Variants in MYCBP2 observed in about 807,000 individuals in gnomAD.
MYCBP2 encodes the protein E3 ubiquitin-protein ligase MYCBP2.
Under a neutral mutation model 525.3 loss-of-function variants are expected in MYCBP2, and 120 were observed. The ratio of observed to expected loss-of-function variants is 0.23; its 90% CI spans 0.20 to 0.27. The LOEUF (loss-of-function observed/expected upper bound fraction) is 0.27, where lower values mean the gene tolerates loss of function less well. Among genes scored for constraint, MYCBP2 ranks in the 10% least tolerant of loss-of-function variants. The pLI is 1.00. For synonymous variants in MYCBP2, 1,894 were observed against 1,955.8 expected (o/e 0.97, Z 0.83); for missense variants, 4,149 against 5,657.1 (o/e 0.73, Z 8.55).
chr13:77,301,057 T>C (rs572650781), intron 1 of MYCBP2, among the ~76,000 whole-genome samples: 10 of 152,244 alleles, frequency 6.6e-5, no homozygotes, highest in East Asian at 3.9e-4. Flanking sequence ...TCTAGATACA[T>C]AGACAGCTTT....
intron 1 of MYCBP2, among the ~76,000 whole-genome samples, chr13:77,324,773 A>G (rs182602625): frequency 7.5e-4 from 115 of 152,380 alleles, no homozygotes; most frequent in African/African-American, 2.6e-3. Flanking sequence ...CAGAAATCAT[A>G]TTACACTAGT....
intron 1 of MYCBP2, among the ~76,000 whole-genome samples, chr13:77,322,027 G>A (rs910486116): frequency 1.3e-5 from 2 of 152,290 alleles, no homozygotes; most frequent in African/African-American, 4.8e-5. Context: ...AGGCATGGTG[G>A]TGCATGCCTG....
At chr13:77,230,152 C>G (rs186820283) in intron 18 of MYCBP2, among the ~76,000 whole-genome samples, 1 of 152,280 alleles carries the variant, frequency 6.6e-6, no homozygotes, top group Non-Finnish European at 1.5e-5. Context: ...CTGACCTTCT[C>G]TGAATTTTCT....
intron 44 of MYCBP2, among the ~76,000 whole-genome samples, chr13:77,158,482 T>C (rs1471006873): frequency 6.6e-6 from 1 of 152,176 alleles, no homozygotes; most frequent in Non-Finnish European, 1.5e-5. Context: ...GGCCTTACTC[T>C]GCCACCCAGG....
chr13:77,280,214 T>C (rs2154352157), intron 3 of MYCBP2, among the ~76,000 whole-genome samples: 1 of 152,318 alleles, frequency 6.6e-6, no homozygotes, highest in South Asian at 2.1e-4. Flanking sequence ...GTCAAATAAC[T>C]AGGAGGACTG....
chr13:77,112,881 A>T (rs1039760076), intron 55 of MYCBP2, among the ~76,000 whole-genome samples: 2 of 152,218 alleles, frequency 1.3e-5, no homozygotes, highest in South Asian at 4.1e-4. Flanking sequence ...AAAATAGAAC[A>T]AAAACCTCTC....
chr13:77,256,243 C>G (rs952225278), intron 14 of MYCBP2, among the ~76,000 whole-genome samples: 14 of 151,892 alleles, frequency 9.2e-5, no homozygotes, highest in Non-Finnish European at 1.8e-4. Flanking sequence ...ATAATATACG[C>G]CAGAAAGATT....
intron 17 of MYCBP2, among the ~76,000 whole-genome samples, chr13:77,236,992 A>G (rs1467339002): frequency 1.3e-5 from 2 of 152,242 alleles, no homozygotes; most frequent in Non-Finnish European, 2.9e-5. Flanking sequence ...TTTTTAAAAC[A>G]ATGTGAATTA....
At chr13:77,057,174 G>A in intron 78 of MYCBP2, 81 bp from the exon 79 acceptor site, 1 of 976,944 alleles carries the variant, frequency 1.0e-6, no homozygotes, top group Non-Finnish European at 1.6e-6. Context: ...TTTAATGCAA[G>A]GCACTACTTA....
chr13:77,209,948 T>A (rs1427490905), intron 23 of MYCBP2, among the ~76,000 whole-genome samples: 3 of 152,134 alleles, frequency 2.0e-5, no homozygotes, highest in African/African-American at 7.2e-5. Context: ...GGCTGTCTGA[T>A]GAGAATGCAA....
chr13:77,064,464 A>G, intron 73 of MYCBP2, 151 bp downstream of exon 73: 1 of 844,340 alleles, frequency 1.2e-6, no homozygotes. Context: ...ATAATATAAA[A>G]GCCCTTTATA....
Position 77,270,503 on chromosome 13 carries a change from T to C in MYCBP2, c.981A>G (p.Val327=), listed in dbSNP as rs1326770606. 6.2e-7 allele frequency: 1 copy of C among 1,613,258 alleles called. No individual in the cohort carries two copies. Residue 327 remains valine (V), a synonymous_variant, in exon 6 of 83, where the codon GTA becomes GTG. Transcript: ENST00000544440. The stretch of plus-strand genomic sequence containing the variant: ...GAATTTTTCCCACCAAAACTGCTTG[T>C]ACACTTCTCTGTAGCGAATTTAGAA... ...PTILNSLQRS[V]QAVLVGKIQI...
chr13:77,300,948 C>A (rs773486347), intron 1 of MYCBP2, among the ~76,000 whole-genome samples: 20 of 152,164 alleles, frequency 1.3e-4, no homozygotes, highest in East Asian at 3.9e-4. Context: ...AAGGACTGAG[C>A]TTGGCTTAAG....
intron 52 of MYCBP2, among the ~76,000 whole-genome samples, chr13:77,130,512 A>C (rs1163501113): frequency 6.6e-6 from 1 of 152,074 alleles, no homozygotes; most frequent in African/African-American, 2.4e-5. Flanking sequence ...ATAAAACTCT[A>C]AACAAAGTGT....
intron 30 of MYCBP2, among the ~76,000 whole-genome samples, chr13:77,187,412 T>C (rs2060831175): frequency 6.6e-6 from 1 of 152,176 alleles, no homozygotes; most frequent in Non-Finnish European, 1.5e-5. Context: ...TGAGAGGATA[T>C]ACCAAACTTT....
chr13:77,278,904 T>G lies in MYCBP2; in HGVS notation c.602A>C (p.Glu201Ala). The change falls in exon 4 of 83, where the codon GAG becomes GCG. Residue 201 changes from glutamate (E) to alanine (A), a missense_variant. By Grantham distance (107) the Glu-to-Ala change is moderately radical (BLOSUM62 -1). Transcript: ENST00000544440. ...TTCAAAAACTTCACAAAGGCCAACC[T>G]CAATAATCTATTTAAAAGGAAAAAA... ...EPPIKLPKII[E>A]VGLCEVFELI... The G allele has an allele frequency of 6.4e-7, 1 of 1,565,776 alleles. No homozygotes were observed. The highest frequency in any genetic ancestry group is 1.2e-5 in the South Asian group (1 of 82,746).
intron 55 of MYCBP2, among the ~76,000 whole-genome samples, chr13:77,116,803 T>C (rs1034016669): frequency 1.6e-4 from 25 of 152,020 alleles, no homozygotes; most frequent in African/African-American, 5.8e-4. Flanking sequence ...TTTATTACTG[T>C]TTATTGTTTT....
chr13:77,090,590 A>T (rs1299786057), intron 59 of MYCBP2: 2 of 172,400 alleles, frequency 1.2e-5, no homozygotes, highest in Non-Finnish European at 2.4e-5. Flanking sequence ...AAAAACAGTC[A>T]GATATAATCG....
At chr13:77,153,412 G>T (rs1237578742) in intron 46 of MYCBP2, among the ~76,000 whole-genome samples, 1 of 152,170 alleles carries the variant, frequency 6.6e-6, no homozygotes, top group Non-Finnish European at 1.5e-5. Flanking sequence ...CGACACCCAC[G>T]TCCCAAGTCC....
Sources: allele counts gnomAD v4.1 joint callset (sites outside exome capture counted in the v4.1 genomes callset), GRCh38; gene constraint gnomAD v4.1.1; transcripts MANE v1.5; gene names NCBI Gene and HGNC (gene_info 2026-07-23, HGNC 2026-07-21).